IGF2R: variants seen among roughly 807,000 people sequenced by gnomAD.
The protein encoded by IGF2R is insulin like growth factor 2 receptor.
A neutral mutation model predicts 270.6 loss-of-function variants in IGF2R; 91 were observed. The ratio of observed to expected loss-of-function variants is 0.34; its 90% CI spans 0.28 to 0.40. IGF2R has a LOEUF of 0.40. Ranked by LOEUF, IGF2R falls within the 10% of genes least tolerant of loss-of-function variation. IGF2R has a pLI of 1.00. For synonymous variants in IGF2R, 1,316 were observed against 1,258.9 expected (o/e 1.05, Z -0.96); for missense variants, 2,805 against 3,188.3 (o/e 0.88, Z 2.90).
At chr6:159,972,298 A>G (rs113586438) in intron 1 of IGF2R, among the ~76,000 whole-genome samples, 7 of 152,204 alleles carry the variant, frequency 4.6e-5, no homozygotes, top group African/African-American at 1.7e-4. Context: ...GCTTGGTCAC[A>G]TGGAGGCAGT....
intron 13 of IGF2R, among the ~76,000 whole-genome samples, chr6:160,044,913 T>A (rs1468534995): frequency 6.6e-6 from 1 of 152,216 alleles, no homozygotes; most frequent in Non-Finnish European, 1.5e-5. Context: ...CGCTGTATCC[T>A]CTTCCTCGGG....
intron 2 of IGF2R, among the ~76,000 whole-genome samples, chr6:159,991,690 C>T (rs1452213306): frequency 3.9e-5 from 6 of 152,124 alleles, no homozygotes; most frequent in Non-Finnish European, 1.5e-5. Context: ...TTAGTGCTCC[C>T]CCGACTCCCA....
intron 2 of IGF2R, among the ~76,000 whole-genome samples, chr6:160,000,828 T>A (rs1486661591): frequency 1.5e-5 from 2 of 136,176 alleles, no homozygotes; most frequent in African/African-American, 5.4e-5. Context: ...CTCCGCCCCC[T>A]GGGTTTAAGC....
chr6:160,072,128 G>T, intron 32 of IGF2R, 92 bp downstream of exon 32: 1 of 1,533,306 alleles, frequency 6.5e-7, no homozygotes. Context: ...CCAAAGAGAA[G>T]CTATGGGCAG....
chr6:160,047,016 C>T (rs1398018032), intron 15 of IGF2R, 143 bp from the exon 16 acceptor site: 1 of 723,550 alleles, frequency 1.4e-6, no homozygotes, highest in Non-Finnish European at 2.4e-6. Context: ...CGTTGGAGAC[C>T]TTGTGTGGGT....
intron 38 of IGF2R, 144 bp from the exon 39 acceptor site, chr6:160,079,985 C>T: frequency 9.2e-7 from 1 of 1,092,340 alleles, no homozygotes; most frequent in Non-Finnish European, 1.3e-6. Context: ...TCTCAGTTGC[C>T]TGGTGAGTTT....
At chr6:160,026,408 C>T (rs1345352042) in intron 5 of IGF2R, among the ~76,000 whole-genome samples, 1 of 152,176 alleles carries the variant, frequency 6.6e-6, no homozygotes, top group Non-Finnish European at 1.5e-5. Context: ...CTCACTCATT[C>T]GTGGGAGAAG....
At chr6:160,038,663 C>T (rs1424325695) in intron 10 of IGF2R, among the ~76,000 whole-genome samples, 8 of 152,132 alleles carry the variant, frequency 5.3e-5, no homozygotes, top group African/African-American at 1.9e-4. Context: ...GTCACTGTTG[C>T]TGTTAGTTGA....
intron 45 of IGF2R, among the ~76,000 whole-genome samples, chr6:160,099,255 A>T (rs1231875979): frequency 6.6e-6 from 1 of 152,242 alleles, no homozygotes; most frequent in East Asian, 1.9e-4. Context: ...TCCTCACTTT[A>T]TATCATCGAT....
At chr6:160,042,869 G>T (rs1191163284) in intron 11 of IGF2R, among the ~76,000 whole-genome samples, 1 of 152,304 alleles carries the variant, frequency 6.6e-6, no homozygotes, top group East Asian at 1.9e-4. Flanking sequence ...GGGCTTGGGA[G>T]AATTTTGCCG....
intron 10 of IGF2R, among the ~76,000 whole-genome samples, chr6:160,040,134 C>T (rs1178645638): frequency 2.6e-5 from 4 of 152,322 alleles, no homozygotes; most frequent in Admixed American, 1.3e-4. Context: ...ACTAAGTCAG[C>T]AGTGCACAGG....
intron 38 of IGF2R, 76 bp downstream of exon 38, chr6:160,079,863 C>A: frequency 7.5e-7 from 1 of 1,330,636 alleles, no homozygotes; most frequent in East Asian, 2.5e-5. Flanking sequence ...CAGAAAGAAG[C>A]TGCGGAGTGG....
In IGF2R at chr6:160,048,513, G is replaced by A. The variant is rs8191810; in HGVS notation, c.2484G>A (p.Ser828=). ...TGCCGGGCTGCAACCGATATGCATC[G>A]GCTTGCCAGATGAAGTATGAAAAAG... ...NPVPGCNRYA[S]ACQMKYEKDQ... The change falls in exon 18 of 48, where the codon TCG becomes TCA. Residue 828 remains serine (S), a synonymous_variant. Transcript: ENST00000356956. 304 of 1,613,812 alleles carry A rather than the reference G, an allele frequency of 1.9e-4. 1 individual carries two copies. In the Middle Eastern group the frequency reaches 3.1e-3, roughly 17 times the overall value.
Position 160,108,602 on chromosome 6 carries a change from T to C in IGF2R, c.*3518T>C, listed in dbSNP as rs1038677286. 4 of 152,164 alleles carry C rather than the reference T, an allele frequency of 2.6e-5. No homozygotes were observed. The highest frequency in any genetic ancestry group is 9.7e-5 in the African/African-American group (4 of 41,394). 9.4% of individuals were successfully genotyped at this position (152,164 alleles called of 1,614,324 possible). A position where few individuals can be genotyped will look rare whatever the true frequency, so the allele number is the denominator to read the frequency against. Reference sequence around the variant, plus strand: ...TCTCTGGGAGGAAGTCAGGTCTTTCTTTCCTTCGTTTCCTTCCTTTCATTC... The same window carrying C: ...TCTCTGGGAGGAAGTCAGGTCTTTCCTTCCTTCGTTTCCTTCCTTTCATTC... On this transcript the variant is annotated 3_prime_UTR_variant, in exon 48 of 48. Transcript: ENST00000356956.
At chr6:160,017,112 A>G (rs764995633) in intron 4 of IGF2R, among the ~76,000 whole-genome samples, 3 of 152,218 alleles carry the variant, frequency 2.0e-5, no homozygotes, top group Non-Finnish European at 4.4e-5. Flanking sequence ...AACCAATACA[A>G]AGAGATCAGA....
At chr6:160,031,740 C>T (rs1777701763) in intron 7 of IGF2R, among the ~76,000 whole-genome samples, 1 of 152,174 alleles carries the variant, frequency 6.6e-6, no homozygotes, top group Non-Finnish European at 1.5e-5. Flanking sequence ...TGTTTGTAAA[C>T]CTGGCACCTA....
chr6:159,993,497 T>A (rs1051468751), intron 2 of IGF2R, among the ~76,000 whole-genome samples: 14 of 152,218 alleles, frequency 9.2e-5, no homozygotes, highest in Admixed American at 6.5e-5. Context: ...AGTGTTATGT[T>A]TTTGTCAACT....
intron 15 of IGF2R, 143 bp downstream of exon 15, chr6:160,046,788 G>C (rs1390643464): frequency 5.3e-6 from 5 of 937,692 alleles, no homozygotes; most frequent in Non-Finnish European, 7.9e-6. Flanking sequence ...GAAAACTGAA[G>C]GATGTTAGGA....
intron 6 of IGF2R, among the ~76,000 whole-genome samples, chr6:160,027,887 C>T (rs1319461642): frequency 1.3e-5 from 2 of 152,166 alleles, no homozygotes; most frequent in East Asian, 1.9e-4. Context: ...CACATTTTCT[C>T]CCCATTCAGA....
Sources: allele counts gnomAD v4.1 joint callset (sites outside exome capture counted in the v4.1 genomes callset), GRCh38; gene constraint gnomAD v4.1.1; transcripts MANE v1.5; gene names NCBI Gene and HGNC (gene_info 2026-07-23, HGNC 2026-07-21).